Variants in NRXN1 observed in about 807,000 individuals in gnomAD.
The protein encoded by NRXN1 is neurexin-1.
In NRXN1, 39 loss-of-function variants were observed where a neutral mutation model predicts 150.9. That is an observed-to-expected ratio of 0.26 (90% confidence interval 0.20 to 0.34). The LOEUF (loss-of-function observed/expected upper bound fraction) is 0.34, where lower values mean the gene tolerates loss of function less well. Among genes scored for constraint, NRXN1 ranks in the 10% least tolerant of loss-of-function variants. NRXN1 has a pLI of 1.00. For missense variants in NRXN1, 1,815 were observed against 1,949.9 expected (o/e 0.93, Z 1.30); for synonymous variants, 924 against 757.0 (o/e 1.22, Z -3.62).
chr2:50,019,320 C>G, intron 21 of NRXN1: 1 of 471,172 alleles, frequency 2.1e-6, no homozygotes, highest in African/African-American at 2.0e-5. Flanking sequence ...CTGTACTTTT[C>G]TGGTATCCTC....
At chr2:50,213,873 A>G (rs964459652) in intron 18 of NRXN1, among the ~76,000 whole-genome samples, 2 of 151,970 alleles carry the variant, frequency 1.3e-5, no homozygotes, top group African/African-American at 4.8e-5. Context: ...ACCCCAGCAG[A>G]GTCACCACTG....
intron 5 of NRXN1, among the ~76,000 whole-genome samples, chr2:50,670,602 G>A (rs915218014): frequency 8.6e-5 from 13 of 151,760 alleles, no homozygotes; most frequent in African/African-American, 3.1e-4. Flanking sequence ...GACTTTATGT[G>A]GACTTCACCA....
intron 18 of NRXN1, among the ~76,000 whole-genome samples, chr2:50,163,255 C>T (rs75389731): frequency 0.019 from 2,840 of 151,078 alleles, 80 homozygotes; most frequent in African/African-American, 0.066. Context: ...CTTCTTTAGC[C>T]TAGCAGACGT....
chr2:49,926,015 G>C (rs2104078294), intron 22 of NRXN1, among the ~76,000 whole-genome samples: 1 of 152,294 alleles, frequency 6.6e-6, no homozygotes, highest in South Asian at 2.1e-4. Flanking sequence ...TCGGTTCAAT[G>C]GAAAACTTCA....
At chr2:50,775,520 T>C (rs970338326) in intron 5 of NRXN1, among the ~76,000 whole-genome samples, 8 of 152,292 alleles carry the variant, frequency 5.3e-5, no homozygotes, top group African/African-American at 1.7e-4. Context: ...CACTAACACA[T>C]GCTTTGAGAA....
intron 17 of NRXN1, among the ~76,000 whole-genome samples, chr2:50,394,670 C>A (rs912973855): frequency 6.6e-6 from 1 of 152,042 alleles, no homozygotes; most frequent in Non-Finnish European, 1.5e-5. Flanking sequence ...AATCTATTGT[C>A]CACACTGCAG....
chr2:50,352,776 T>TAATAATAATATAATA (rs1478736717), intron 17 of NRXN1, among the ~76,000 whole-genome samples: 15 of 84,028 alleles, frequency 1.8e-4, no homozygotes, highest in Non-Finnish European at 2.6e-4. Flanking sequence ...ATAATAATAA[T>TAATAATAATATAATA]ATTATAATAA....
intron 5 of NRXN1, chr2:50,918,727 A>G: frequency 3.0e-6 from 1 of 329,654 alleles, no homozygotes; most frequent in Non-Finnish European, 5.6e-6. Context: ...AACAAAAGAG[A>G]AAAGACATAC....
intron 21 of NRXN1, among the ~76,000 whole-genome samples, chr2:50,046,772 G>A (rs1394465867): frequency 6.6e-6 from 1 of 152,118 alleles, no homozygotes; most frequent in East Asian, 1.9e-4. Flanking sequence ...TGACCACTAT[G>A]CATAGTGCCC....
chr2:50,277,651 A>C (rs2070738841), intron 17 of NRXN1, among the ~76,000 whole-genome samples: 1 of 152,040 alleles, frequency 6.6e-6, no homozygotes, highest in South Asian at 2.1e-4. Flanking sequence ...CCATAGATGA[A>C]CTATTTTAGA....
At chr2:50,971,368 A>G (rs1694968248) in intron 2 of NRXN1, among the ~76,000 whole-genome samples, 1 of 152,066 alleles carries the variant, frequency 6.6e-6, no homozygotes, top group Non-Finnish European at 1.5e-5. Flanking sequence ...GCGGATCACA[A>G]GGTCAGGAGT....
intron 5 of NRXN1, among the ~76,000 whole-genome samples, chr2:50,804,701 C>G (rs992847307): frequency 1.3e-5 from 2 of 151,838 alleles, no homozygotes; most frequent in Non-Finnish European, 2.9e-5. Context: ...TTTTTTCTTT[C>G]TTTTTGCTGA....
At chr2:50,329,650 TA>T (rs2076678598) in intron 17 of NRXN1, among the ~76,000 whole-genome samples, 2 of 17,906 alleles carry the variant, frequency 1.1e-4, no homozygotes, top group Non-Finnish European at 1.6e-4. Flanking sequence ...TATATATATA[TA>T]TATATATATA....
chr2:50,358,065 C>T (rs557958634), intron 17 of NRXN1, among the ~76,000 whole-genome samples: 1 of 152,254 alleles, frequency 6.6e-6, no homozygotes, highest in African/African-American at 2.4e-5. Context: ...CTAGGCTTTT[C>T]CCATGGTCTT....
chr2:50,673,107 G>A (rs1408392998), intron 5 of NRXN1, among the ~76,000 whole-genome samples: 1 of 152,004 alleles, frequency 6.6e-6, no homozygotes, highest in Non-Finnish European at 1.5e-5. Flanking sequence ...TGAAGACGGT[G>A]GCAATAATTA....
At chr2:50,747,663 T>A (rs1700167074) in intron 5 of NRXN1, among the ~76,000 whole-genome samples, 2 of 152,154 alleles carry the variant, frequency 1.3e-5, no homozygotes, top group African/African-American at 4.8e-5. Flanking sequence ...GATTCTATTA[T>A]CTTTGGTAAT....
At chr2:49,925,674 T>TA (rs1668993164) in intron 22 of NRXN1, among the ~76,000 whole-genome samples, 1 of 152,170 alleles carries the variant, frequency 6.6e-6, no homozygotes, top group African/African-American at 2.4e-5. Context: ...AAGACATTTT[T>TA]AAAAAATTAA....
intron 12 of NRXN1, among the ~76,000 whole-genome samples, chr2:50,519,748 T>C (rs1311229967): frequency 2.0e-5 from 3 of 151,950 alleles, no homozygotes; most frequent in Non-Finnish European, 4.4e-5. Flanking sequence ...GGTTTATTTC[T>C]CATGATCTTG....
At chr2:50,653,263 G>A (rs1029973969) in intron 5 of NRXN1, among the ~76,000 whole-genome samples, 8 of 151,938 alleles carry the variant, frequency 5.3e-5, no homozygotes, top group Non-Finnish European at 1.0e-4. Flanking sequence ...ACCAAAAATG[G>A]TTCAGAATGC....
Sources: allele counts gnomAD v4.1 joint callset (sites outside exome capture counted in the v4.1 genomes callset), GRCh38; gene constraint gnomAD v4.1.1; transcripts MANE v1.5; gene names NCBI Gene and HGNC (gene_info 2026-07-23, HGNC 2026-07-21).